SORCS3: variants seen among roughly 807,000 people sequenced by gnomAD.
The protein encoded by SORCS3 is VPS10 domain-containing receptor SorCS3.
A neutral mutation model predicts 146.3 loss-of-function variants in SORCS3; 57 were observed. That is an observed-to-expected ratio of 0.39 (90% confidence interval 0.31 to 0.49). The LOEUF (loss-of-function observed/expected upper bound fraction) is 0.49. Ranked by LOEUF, SORCS3 falls within the 20% of genes least tolerant of loss-of-function variation. The pLI is 0.92. For missense variants in SORCS3, 1,341 were observed against 1,575.5 expected, an observed-to-expected ratio of 0.85 and a Z score of 2.52; for synonymous variants, 653 against 618.5, an observed-to-expected ratio of 1.06 and a Z score of -0.83.
intron 1 of SORCS3, among the ~76,000 whole-genome samples, chr10:104,759,695 G>A (rs1394474974): frequency 2.6e-5 from 4 of 152,096 alleles, no homozygotes; most frequent in Non-Finnish European, 5.9e-5. Flanking sequence ...CTACACCCAG[G>A]CTTGGGTAGG....
chr10:104,770,728 G>A (rs966071239), intron 1 of SORCS3, among the ~76,000 whole-genome samples: 1 of 152,038 alleles, frequency 6.6e-6, no homozygotes, highest in Non-Finnish European at 1.5e-5. Flanking sequence ...AGCTACTCAT[G>A]AAGCTGAGGC....
chr10:105,047,614 C>A (rs1038016200), intron 5 of SORCS3, among the ~76,000 whole-genome samples: 1 of 152,026 alleles, frequency 6.6e-6, no homozygotes, highest in African/African-American at 2.4e-5. Flanking sequence ...ACTATAAGTT[C>A]TATATCAGGC....
intron 18 of SORCS3, 54 bp from the exon 19 acceptor site, chr10:105,216,882 A>G (rs562837755): frequency 3.2e-6 from 5 of 1,576,076 alleles, no homozygotes; most frequent in East Asian, 2.2e-5. Flanking sequence ...GAAGCATCAG[A>G]TAGGAGTCTG....
At chr10:104,886,482 A>G (rs1429241354) in intron 2 of SORCS3, among the ~76,000 whole-genome samples, 1 of 151,020 alleles carries the variant, frequency 6.6e-6, no homozygotes, top group Non-Finnish European at 1.5e-5. Context: ...GATACCACAT[A>G]TGTTATTTAT....
intron 1 of SORCS3, among the ~76,000 whole-genome samples, chr10:104,653,061 A>G (rs1000333133): frequency 3.3e-5 from 5 of 152,230 alleles, no homozygotes; most frequent in Non-Finnish European, 7.3e-5. Flanking sequence ...TGTTTTTATT[A>G]TCTGCAACAA....
intron 2 of SORCS3, among the ~76,000 whole-genome samples, chr10:104,856,816 AAATATAT>A (rs1176751505): frequency 3.7e-4 from 53 of 145,100 alleles, no homozygotes; most frequent in Non-Finnish European, 4.5e-4. Flanking sequence ...TTAATTATAT[AAATATAT>A]AATATATATC....
intron 4 of SORCS3, among the ~76,000 whole-genome samples, chr10:105,019,996 A>G (rs867998758): frequency 6.6e-6 from 1 of 152,206 alleles, no homozygotes; most frequent in Non-Finnish European, 1.5e-5. Flanking sequence ...CTTCCATTCC[A>G]TGAATTTTGC....
At chr10:104,930,729 C>A in intron 3 of SORCS3, among the ~76,000 whole-genome samples, 1 of 152,212 alleles carries the variant, frequency 6.6e-6, no homozygotes, top group East Asian at 1.9e-4. Context: ...GGCCTCTTTT[C>A]ACTTGGCCAA....
intron 7 of SORCS3, among the ~76,000 whole-genome samples, chr10:105,134,747 A>G (rs1048113677): frequency 9.9e-5 from 15 of 152,158 alleles, no homozygotes; most frequent in African/African-American, 3.6e-4. Flanking sequence ...ATAGCATTCC[A>G]TCCATGGCCC....
At chr10:105,038,824 A>C (rs1280462165) in intron 4 of SORCS3, among the ~76,000 whole-genome samples, 1 of 152,130 alleles carries the variant, frequency 6.6e-6, no homozygotes, top group Non-Finnish European at 1.5e-5. Flanking sequence ...TAATCTTCTA[A>C]AACTTACTAT....
intron 2 of SORCS3, among the ~76,000 whole-genome samples, chr10:104,858,745 C>A (rs932938193): frequency 1.3e-5 from 2 of 151,842 alleles, no homozygotes; most frequent in African/African-American, 4.8e-5. Flanking sequence ...CCTCAGCCCC[C>A]TGAGTAGCTG....
chr10:104,914,130 T>G (rs1462835330), intron 2 of SORCS3, among the ~76,000 whole-genome samples: 2 of 152,282 alleles, frequency 1.3e-5, no homozygotes, highest in East Asian at 3.9e-4. Flanking sequence ...CACATGGTCA[T>G]GCAACCAGAG....
At chr10:105,085,032 G>C (rs1447737150) in intron 5 of SORCS3, among the ~76,000 whole-genome samples, 1 of 152,120 alleles carries the variant, frequency 6.6e-6, no homozygotes, top group Non-Finnish European at 1.5e-5. Context: ...GCCCGGCCAA[G>C]GCAGTGCTTC....
At chr10:104,863,511 C>T (rs1409819446) in intron 2 of SORCS3, among the ~76,000 whole-genome samples, 5 of 152,212 alleles carry the variant, frequency 3.3e-5, no homozygotes, top group Admixed American at 6.5e-5. Flanking sequence ...TCTACCCACT[C>T]ATCTGCTACC....
chr10:104,859,823 C>T (rs1230760227), intron 2 of SORCS3, among the ~76,000 whole-genome samples: 1 of 151,184 alleles, frequency 6.6e-6, no homozygotes, highest in Non-Finnish European at 1.5e-5. Context: ...AAAAAATGCT[C>T]ATCATCACTG....
At chr10:104,642,381 A>ACCCCAC (rs1213599541) in intron 1 of SORCS3, among the ~76,000 whole-genome samples, 3 of 76,490 alleles carry the variant, frequency 3.9e-5, no homozygotes, top group East Asian at 1.0e-3. Context: ...CCCTACCCCC[A>ACCCCAC]CCCCACCCCC....
chr10:105,250,108 C>T (rs545586880), intron 22 of SORCS3, among the ~76,000 whole-genome samples: 40 of 152,222 alleles, frequency 2.6e-4, no homozygotes, highest in African/African-American at 9.6e-4. Flanking sequence ...TAGGCAGAAC[C>T]TTCTTGCTGT....
intron 2 of SORCS3, among the ~76,000 whole-genome samples, chr10:104,884,529 T>C (rs1330007505): frequency 6.6e-6 from 1 of 152,170 alleles, no homozygotes; most frequent in Non-Finnish European, 1.5e-5. Context: ...TGGGGAGCTA[T>C]TGAAGGTTTT....
intron 1 of SORCS3, among the ~76,000 whole-genome samples, chr10:104,648,635 C>T (rs776224592): frequency 1.4e-4 from 21 of 152,070 alleles, no homozygotes; most frequent in Non-Finnish European, 2.4e-4. Context: ...TTAATGGGGG[C>T]CTCTTGTGAG....
Sources: allele counts gnomAD v4.1 joint callset (sites outside exome capture counted in the v4.1 genomes callset), GRCh38; gene constraint gnomAD v4.1.1; transcripts MANE v1.5; gene names NCBI Gene and HGNC (gene_info 2026-07-23, HGNC 2026-07-21).